MPP7: variants seen among roughly 807,000 people sequenced by gnomAD.
The protein encoded by MPP7 is MAGUK p55 scaffold protein 7.
In MPP7, 60 loss-of-function variants were observed where a neutral mutation model predicts 76.5. That is an observed-to-expected ratio of 0.78 (90% confidence interval 0.64 to 0.97). The LOEUF (loss-of-function observed/expected upper bound fraction) is 0.97, where lower values mean the gene tolerates loss of function less well. Ranked by LOEUF, MPP7 falls within the 50% of genes least tolerant of loss-of-function variation. MPP7 has a pLI of 0.00. For missense variants in MPP7, 641 were observed against 694.0 expected (o/e 0.92, Z 0.86); for synonymous variants, 237 against 244.5 (o/e 0.97, Z 0.29).
At chr10:28,287,141 T>A (rs1840807309) in intron 1 of MPP7, among the ~76,000 whole-genome samples, 1 of 152,148 alleles carries the variant, frequency 6.6e-6, no homozygotes, top group African/African-American at 2.4e-5. Context: ...ATTAGCCTGT[T>A]GCTTCAAAAA....
chr10:28,111,507 A>C (rs1834504358), intron 11 of MPP7, among the ~76,000 whole-genome samples: 1 of 152,192 alleles, frequency 6.6e-6, no homozygotes, highest in African/African-American at 2.4e-5. Context: ...ATTTTCATAG[A>C]ACAGTTTTGT....
At chr10:28,318,692 T>TAAAAG (rs1022735778) in intron 2 of MPP7, among the ~76,000 whole-genome samples, 2 of 151,998 alleles carry the variant, frequency 1.3e-5, no homozygotes, top group African/African-American at 4.8e-5. Flanking sequence ...TATCAAAAAA[T>TAAAAG]AAAAGAAAAG....
chr10:28,194,378 A>C (rs755700462), intron 3 of MPP7, among the ~76,000 whole-genome samples: 1 of 152,098 alleles, frequency 6.6e-6, no homozygotes, highest in Non-Finnish European at 1.5e-5. Flanking sequence ...ATATTTATCC[A>C]AATGAGTTGC....
intron 2 of MPP7, among the ~76,000 whole-genome samples, chr10:28,208,587 AG>A (rs142003103): frequency 0.017 from 2,573 of 152,314 alleles, 79 homozygotes; most frequent in African/African-American, 0.058. Context: ...GAAAGGAGAA[AG>A]AAAAAGCAAA....
intron 3 of MPP7, among the ~76,000 whole-genome samples, chr10:28,199,841 C>A (rs1837711145): frequency 6.6e-6 from 1 of 151,572 alleles, no homozygotes; most frequent in African/African-American, 2.4e-5. Context: ...CTCCTGGCCT[C>A]GGATTACAGG....
At chr10:28,119,739 C>G (rs1207718699) in intron 10 of MPP7, 24 bp from the exon 11 acceptor site, 1 of 1,600,794 alleles carries the variant, frequency 6.2e-7, no homozygotes, top group Non-Finnish European at 8.6e-7. Flanking sequence ...GGTCAACATA[C>G]CTATCAATTT....
At chr10:28,138,391 C>G (rs1835413399) in intron 5 of MPP7, among the ~76,000 whole-genome samples, 1 of 152,210 alleles carries the variant, frequency 6.6e-6, no homozygotes, top group African/African-American at 2.4e-5. Flanking sequence ...TATTTCATCA[C>G]TGCAGGAAGT....
chr10:28,224,586 C>T (rs1040874831), intron 2 of MPP7, among the ~76,000 whole-genome samples: 1 of 152,104 alleles, frequency 6.6e-6, no homozygotes, highest in Non-Finnish European at 1.5e-5. Flanking sequence ...TGATAATTTG[C>T]TTCCCTTTTC....
chr10:28,145,724 T>C (rs762728503), intron 5 of MPP7, among the ~76,000 whole-genome samples: 1 of 152,238 alleles, frequency 6.6e-6, no homozygotes, highest in Admixed American at 6.5e-5. Context: ...TCTACACATA[T>C]GAATATACGT....
At chr10:28,160,113 G>GAAAA (rs59503220) in intron 3 of MPP7, among the ~76,000 whole-genome samples, 1 of 142,740 alleles carries the variant, frequency 7.0e-6, no homozygotes, top group African/African-American at 2.6e-5. Flanking sequence ...TTGATCATTA[G>GAAAA]AAAAAAAAAA....
intron 2 of MPP7, among the ~76,000 whole-genome samples, chr10:28,326,155 G>A (rs542218556): frequency 6.6e-6 from 1 of 152,172 alleles, no homozygotes; most frequent in African/African-American, 2.4e-5. Flanking sequence ...GGGTAGACGT[G>A]ATAATGCAGA....
At chr10:28,080,905 T>C (rs186819518) in intron 12 of MPP7, among the ~76,000 whole-genome samples, 1 of 152,358 alleles carries the variant, frequency 6.6e-6, no homozygotes, top group Admixed American at 6.5e-5. Context: ...ACAAAAGATA[T>C]GAGAATTCTA....
chr10:28,062,210 A>G (rs993881615), intron 13 of MPP7, among the ~76,000 whole-genome samples: 2 of 152,180 alleles, frequency 1.3e-5, no homozygotes, highest in African/African-American at 4.8e-5. Flanking sequence ...TTTGACACCT[A>G]AAACAAAAAG....
chr10:28,250,856 A>C (rs2132849158), intron 1 of MPP7, among the ~76,000 whole-genome samples: 1 of 152,340 alleles, frequency 6.6e-6, no homozygotes, highest in South Asian at 2.1e-4. Flanking sequence ...GCCTGTGAGC[A>C]AAAAGGATCA....
At chr10:28,235,776 T>G (rs1355935485) in intron 2 of MPP7, among the ~76,000 whole-genome samples, 1 of 152,162 alleles carries the variant, frequency 6.6e-6, no homozygotes, top group African/African-American at 2.4e-5. Flanking sequence ...TTGATTTGAC[T>G]ACAAAAAAGT....
chr10:28,120,533 T>C, intron 9 of MPP7, 61 bp downstream of exon 9: 2 of 1,538,622 alleles, frequency 1.3e-6, no homozygotes, highest in Non-Finnish European at 9.0e-7. Flanking sequence ...TGGATATGTG[T>C]TGGATGGAAA....
At chr10:28,200,464 A>G (rs1000874375) in intron 3 of MPP7, among the ~76,000 whole-genome samples, 1 of 152,210 alleles carries the variant, frequency 6.6e-6, no homozygotes, top group African/African-American at 2.4e-5. Flanking sequence ...GAAATCAGAT[A>G]TCAATACCCT....
rs1229943282 is a variant in MPP7, at chr10:28,238,000, T to C, written c.37+568A>G. 3.3e-5 allele frequency among the ~76,000 whole-genome samples: 5 copies of C among 152,264 alleles called. No homozygotes were observed. In the East Asian group the frequency reaches 9.7e-4, roughly 29 times the overall value. On this transcript the variant is annotated intron_variant, in intron 2 of 16. Transcript: ENST00000683449. ...TAGTTTTTTTTTCCTTTCTTATAAA[T>C]ACCTATTCTAGGTATCTCAAAGTCT...
At chr10:28,281,279 G>A (rs1048792623) in intron 1 of MPP7, among the ~76,000 whole-genome samples, 1 of 151,930 alleles carries the variant, frequency 6.6e-6, no homozygotes, top group Non-Finnish European at 1.5e-5. Context: ...AGTAGAGATG[G>A]AGTTTTGCCA....
Sources: allele counts gnomAD v4.1 joint callset (sites outside exome capture counted in the v4.1 genomes callset), GRCh38; gene constraint gnomAD v4.1.1; transcripts MANE v1.5; gene names NCBI Gene and HGNC (gene_info 2026-07-23, HGNC 2026-07-21).